The following CXCL13 variants were observed in gnomAD, a reference collection of about 807,000 sequenced individuals.
CXCL13 encodes the protein C-X-C motif chemokine 13.
Under a neutral mutation model 12.2 loss-of-function variants are expected in CXCL13, and 7 were observed. That is an observed-to-expected ratio of 0.57 (90% confidence interval 0.33 to 1.07). CXCL13 has a LOEUF of 1.07. CXCL13 is among the 50% of genes least tolerant of loss of function. CXCL13 has a pLI of 0.04. For synonymous variants in CXCL13, 47 were observed against 42.4 expected (o/e 1.11, Z -0.42); for missense variants, 113 against 127.4 (o/e 0.89, Z 0.55).
intron 1 of CXCL13, among the ~76,000 whole-genome samples, chr4:77,517,877 C>T (rs6831012): frequency 0.16 from 23,632 of 152,162 alleles, 5,839 homozygotes; most frequent in African/African-American, 0.52. Flanking sequence ...TTTTGCTCGT[C>T]AGTTGATGCA....
chr4:77,533,956 G>A (rs1485581749), intron 1 of CXCL13, among the ~76,000 whole-genome samples: 1 of 152,168 alleles, frequency 6.6e-6, no homozygotes, highest in Non-Finnish European at 1.5e-5. Flanking sequence ...ATTAGGAAAG[G>A]GAATTCCCTG....
intron 1 of CXCL13, among the ~76,000 whole-genome samples, chr4:77,530,167 A>G (rs1359785109): frequency 1.3e-5 from 2 of 152,104 alleles, no homozygotes; most frequent in Non-Finnish European, 2.9e-5. Flanking sequence ...GTGCTTCTGG[A>G]TTCAGTTTGC....
intron 1 of CXCL13, among the ~76,000 whole-genome samples, chr4:77,562,473 CTG>C (rs1487294655): frequency 1.3e-5 from 2 of 152,052 alleles, no homozygotes; most frequent in Admixed American, 1.3e-4. Flanking sequence ...AATCAGTACT[CTG>C]TGTCTAGCTC....
chr4:77,594,188 A>G (rs749356119), intron 1 of CXCL13, among the ~76,000 whole-genome samples: 9 of 152,304 alleles, frequency 5.9e-5, no homozygotes, highest in African/African-American at 1.4e-4. Flanking sequence ...ATGCATGTCT[A>G]TCTCTGGAGG....
intron 1 of CXCL13, among the ~76,000 whole-genome samples, chr4:77,600,500 G>A (rs183432816): frequency 5.7e-4 from 86 of 152,208 alleles, no homozygotes; most frequent in Non-Finnish European, 1.0e-3. Flanking sequence ...AATATATGCC[G>A]AATGAGAAAA....
At chr4:77,601,038 G>A (rs577185602), upstream of CXCL13, among the ~76,000 whole-genome samples, 3 of 152,048 alleles carry the variant, frequency 2.0e-5, no homozygotes, top group South Asian at 6.2e-4. Flanking sequence ...TTTCCTTCCC[G>A]CAAACTGTTT....
At chr4:77,555,140 C>A (rs1385512252) in intron 1 of CXCL13, among the ~76,000 whole-genome samples, 2 of 150,446 alleles carry the variant, frequency 1.3e-5, no homozygotes, top group African/African-American at 4.9e-5. Context: ...CCAATGAAAC[C>A]AAAAGCAGAT....
In CXCL13 at chr4:77,610,669, C is replaced by A. The variant is rs769775732; in HGVS notation, c.253C>A (p.Gln85Lys). 2 of 1,612,878 alleles carry A rather than the reference C, an allele frequency of 1.2e-6. No homozygotes were observed. The highest frequency in any genetic ancestry group is 2.2e-5 in the South Asian group (2 of 91,050). ...TGTGGACCCTCAAGCTGAATGGATA[C>A]AAAGAATGATGGAAGTATTGAGAAA... ...VCVDPQAEWI[Q>K]RMMEVLRKRS... is the part of the protein sequence containing the mutation. Residue 85 changes from glutamine (Q) to lysine (K), a missense_variant, in exon 3 of 4, where the codon CAA (glutamine) becomes AAA (lysine). Gln to Lys is a moderately conservative substitution (Grantham distance 53, BLOSUM62 1). Coordinates refer to ENST00000682537, the MANE Select transcript of CXCL13 (RefSeq NM_001371558.1).
chr4:77,536,406 A>G (rs1725059948), intron 1 of CXCL13, among the ~76,000 whole-genome samples: 1 of 152,204 alleles, frequency 6.6e-6, no homozygotes, highest in Non-Finnish European at 1.5e-5. Context: ...AAGAAGAAGC[A>G]GAGTTTAATC....
chr4:77,566,604 A>G (rs1428077509), intron 1 of CXCL13, among the ~76,000 whole-genome samples: 2 of 151,942 alleles, frequency 1.3e-5, no homozygotes, highest in African/African-American at 4.8e-5. Context: ...GTGAGTATTG[A>G]GGCTCTTGAA....
At chr4:77,514,305 C>A (rs1451586228) in intron 1 of CXCL13, among the ~76,000 whole-genome samples, 11 of 150,548 alleles carry the variant, frequency 7.3e-5, no homozygotes, top group Non-Finnish European at 1.6e-4. Context: ...ATTTATAGTC[C>A]TTTGGGTATA....
At chr4:77,550,527 G>A (rs894415396) in intron 1 of CXCL13, among the ~76,000 whole-genome samples, 3 of 152,168 alleles carry the variant, frequency 2.0e-5, no homozygotes, top group Non-Finnish European at 2.9e-5. Context: ...ACTGAGCCTT[G>A]TTTTGTGGCC....
intron 1 of CXCL13, among the ~76,000 whole-genome samples, chr4:77,569,823 C>A (rs955094652): frequency 2.6e-5 from 4 of 152,174 alleles, no homozygotes; most frequent in African/African-American, 4.8e-5. Flanking sequence ...CCAAGGCAAT[C>A]CTAAACAAAG....
At chr4:77,535,414 C>A (rs1238915525) in intron 1 of CXCL13, among the ~76,000 whole-genome samples, 1 of 152,128 alleles carries the variant, frequency 6.6e-6, no homozygotes, top group African/African-American at 2.4e-5. Context: ...TCTTGCGACC[C>A]ATTGTATTTT....
intron 1 of CXCL13, among the ~76,000 whole-genome samples, chr4:77,544,627 T>C (rs1725305972): frequency 6.6e-6 from 1 of 152,204 alleles, no homozygotes; most frequent in Admixed American, 6.5e-5. Flanking sequence ...TTTGAGTTCT[T>C]TGTAGATTCT....
At chr4:77,602,234 A>G (rs995643800), upstream of CXCL13, among the ~76,000 whole-genome samples, 1 of 152,132 alleles carries the variant, frequency 6.6e-6, no homozygotes, top group African/African-American at 2.4e-5. Flanking sequence ...TGATATCTTG[A>G]GAGAGAGTTT....
At chr4:77,564,982 G>T (rs533904108) in intron 1 of CXCL13, among the ~76,000 whole-genome samples, 12 of 152,154 alleles carry the variant, frequency 7.9e-5, no homozygotes, top group South Asian at 4.1e-4. Flanking sequence ...GACCCATTTT[G>T]CTTCACAAGC....
At chr4:77,592,029 G>A (rs1344757113) in intron 1 of CXCL13, among the ~76,000 whole-genome samples, 2 of 152,192 alleles carry the variant, frequency 1.3e-5, no homozygotes, top group Admixed American at 6.5e-5. Context: ...TGGCCACCTT[G>A]ATCAGAAAAG....
At chr4:77,532,144 A>G (rs1263060805) in intron 1 of CXCL13, among the ~76,000 whole-genome samples, 1 of 152,158 alleles carries the variant, frequency 6.6e-6, no homozygotes, top group African/African-American at 2.4e-5. Flanking sequence ...CCTAGCCTCA[A>G]TGGTCTTTAC....
Sources: gnomAD v4.1 joint callset for allele counts (sites outside exome capture counted in the v4.1 genomes callset) on GRCh38, gnomAD v4.1.1 for gene constraint, MANE v1.5 for transcripts, NCBI Gene and HGNC (gene_info 2026-07-23, HGNC 2026-07-21) for gene names.